The following CASZ1 variants were observed in gnomAD, a reference collection of about 807,000 sequenced individuals.
The protein encoded by CASZ1 is castor zinc finger 1, also known as zinc finger protein castor homolog 1.
CASZ1 carries 28 observed loss-of-function variants against 135.2 expected under a neutral mutation model. The ratio of observed to expected loss-of-function variants is 0.21; its 90% CI spans 0.15 to 0.28. The LOEUF (loss-of-function observed/expected upper bound fraction) is 0.28, where lower values mean the gene tolerates loss of function less well. CASZ1 is among the 10% of genes least tolerant of loss of function. The pLI, the probability that CASZ1 is intolerant of heterozygous loss-of-function variation, is 1.00. For missense variants in CASZ1, 2,161 were observed against 2,453.3 expected (o/e 0.88, Z 2.52); for synonymous variants, 1,068 against 1,073.4 (o/e 0.99, Z 0.10).
rs148182457 is a variant in CASZ1 at position 10,738,344 on chromosome 1, G to A, written c.-77+22357C>T. 1.4e-4 allele frequency among the ~76,000 whole-genome samples: 22 copies of A among 152,342 alleles called. 1 individual carries two copies. The East Asian group carries it at 4.1e-3, about 28-fold the overall frequency. ...GACGCGGCAGGAAACCCGGAAGGAC[G>A]CAGAGCACCCCACCCACCCCCTCCT... On this transcript the variant is annotated intron_variant, in intron 2 of 20. Transcript: ENST00000377022.
In CASZ1 at chr1:10,700,020, GAA is replaced by G. The variant is rs1169884071; in HGVS notation, c.-24+5470_-24+5471del. Among the ~76,000 whole-genome samples the G allele has an allele frequency of 9.9e-5, 15 of 151,474 alleles. No individual in the cohort carries two copies. Among genetic ancestry groups the G allele is most frequent in the African/African-American group, 3.4e-4 (14 of 41,056 alleles). On this transcript the variant is annotated intron_variant, in intron 3 of 20. Transcript: ENST00000377022. The surrounding 1 kb of genome is among the most constrained non-coding windows in gnomAD (Gnocchi z 4.2). ...AGAGAGAGAGAGAAACAGAGACAGA[GAA>G]AGAGAGAGAGAGACAGAGAGAGAGA...
At chr1:10,787,340 G>C (rs1263048886) in intron 1 of CASZ1, among the ~76,000 whole-genome samples, 1 of 152,192 alleles carries the variant, frequency 6.6e-6, no homozygotes, top group Non-Finnish European at 1.5e-5. Flanking sequence ...AGTGGAGCTC[G>C]GGGCCACCCG....
rs1639024308 is a variant in CASZ1, at chr1:10,700,016, CAGAGAAAGAGAGAGAGAGACAGAGAGAG to C, written c.-24+5448_-24+5475del. 6.8e-6 allele frequency among the ~76,000 whole-genome samples: 1 copy of C among 146,894 alleles called. No homozygotes were observed. Among genetic ancestry groups the C allele is most frequent in the Non-Finnish European group, 1.5e-5 (1 of 66,570 alleles). On this transcript the variant is annotated intron_variant, in intron 3 of 20. Transcript: ENST00000377022. The surrounding 1 kb of genome is among the most constrained non-coding windows in gnomAD (Gnocchi z 4.2). The stretch of plus-strand genomic sequence containing the variant: ...GCAGAGAGAGAGAGAGAAACAGAGA[CAGAGAAAGAGAGAGAGAGACAGAGAGAG>C]AGAGAAAGAGAGACAGAGAGAGAAA...
At chr1:10,686,984 TGACA>T (rs1253337910) in intron 4 of CASZ1, among the ~76,000 whole-genome samples, 1 of 151,996 alleles carries the variant, frequency 6.6e-6, no homozygotes, top group Non-Finnish European at 1.5e-5. Flanking sequence ...GCTGAAGGGG[TGACA>T]GACAGGGAGG....
intron 7 of CASZ1, 46 bp from the exon 8 acceptor site, chr1:10,656,782 T>A: frequency 7.6e-7 from 1 of 1,316,498 alleles, no homozygotes; most frequent in Non-Finnish European, 1.1e-6. Context: ...TGGGTGACAG[T>A]CCCAGCCCCA....
chr1:10,790,782 C>T (rs745398916), intron 1 of CASZ1, among the ~76,000 whole-genome samples: 8 of 151,844 alleles, frequency 5.3e-5, no homozygotes, highest in Non-Finnish European at 7.4e-5. Context: ...CTTGGCTATG[C>T]CTGACATTTT....
rs772202944 is a variant in CASZ1, at chr1:10,724,208, C to T, written c.-76-18664G>A. Among the ~76,000 whole-genome samples, 7 of 152,216 alleles carry T rather than the reference C, an allele frequency of 4.6e-5. No individual in the cohort carries two copies. The highest frequency in any genetic ancestry group is 2.0e-4 in the Admixed American group (3 of 15,286). On this transcript the variant is annotated intron_variant, in intron 2 of 20. Transcript: ENST00000377022. This position sits in a 1 kb window ranked among gnomAD's most constrained non-coding sequence, Gnocchi z 4.1. ...ATCCACAGGGTGAGAGCAAAGGCCA[C>T]GTGGTCAGAGCCGGGCTATAAATAG...
At chr1:10,789,856 C>A (rs1416656669) in intron 1 of CASZ1, among the ~76,000 whole-genome samples, 1 of 152,238 alleles carries the variant, frequency 6.6e-6, no homozygotes, top group African/African-American at 2.4e-5. Context: ...GCCTGCAAAA[C>A]CTCGTTAACG....
intron 2 of CASZ1, among the ~76,000 whole-genome samples, chr1:10,716,119 AC>A (rs1306354150): frequency 1.2e-5 from 1 of 86,672 alleles, no homozygotes; most frequent in East Asian, 3.5e-4. Context: ...CCCAATCCAC[AC>A]CCCACAGCAC....
chr1:10,674,028 C>T (rs1218457498), intron 4 of CASZ1, among the ~76,000 whole-genome samples: 1 of 152,248 alleles, frequency 6.6e-6, no homozygotes, highest in Non-Finnish European at 1.5e-5. Flanking sequence ...GACGGACAGA[C>T]TGACAGATGG....
chr1:10,673,294 G>A (rs1490021278), intron 4 of CASZ1, among the ~76,000 whole-genome samples: 2 of 152,178 alleles, frequency 1.3e-5, no homozygotes, highest in African/African-American at 2.4e-5. Flanking sequence ...ATGGGCTGGC[G>A]GAGAGGATCA....
In CASZ1 at chr1:10,735,514, A is replaced by G. The variant is rs1239940229; in HGVS notation, c.-77+25187T>C. Among the ~76,000 whole-genome samples, 2 of 152,148 alleles carry G rather than the reference A, an allele frequency of 1.3e-5. No individual in the cohort carries two copies. Among genetic ancestry groups the G allele is most frequent in the African/African-American group, 4.8e-5 (2 of 41,436 alleles). ...CACGCAGCGCCAGGGCTGTCCCCAA[A>G]GTTTGGATCAAACTTTGCCTGGGGG... On this transcript the variant is annotated intron_variant, in intron 2 of 20. Coordinates refer to ENST00000377022, the MANE Select transcript of CASZ1 (RefSeq NM_001079843.3). This position sits in a 1 kb window ranked among gnomAD's most constrained non-coding sequence, Gnocchi z 5.1.
At position 10,703,176 on chromosome 1, in the gene CASZ1, C is replaced by T. The variant is rs77487206; in HGVS notation, c.-24+2316G>A. Among the ~76,000 whole-genome samples, 1,276 of 152,252 alleles carry T rather than the reference C, an allele frequency of 8.4e-3. 57 individuals are homozygous for T. The East Asian group carries it at 0.14, about 17-fold the overall frequency. On this transcript the variant is annotated intron_variant, in intron 3 of 20. Coordinates refer to ENST00000377022, the MANE Select transcript of CASZ1 (RefSeq NM_001079843.3). The stretch of plus-strand genomic sequence containing the variant: ...GAGGCCCAGCAGACTCTGCAGCAGA[C>T]CTCTGGCCGCGGCCGCAGCTCCCGT...
chr1:10,715,776 C>T (rs1244874288), intron 2 of CASZ1, among the ~76,000 whole-genome samples: 1 of 132,220 alleles, frequency 7.6e-6, no homozygotes, highest in Non-Finnish European at 1.6e-5. Flanking sequence ...CCCCACAGCA[C>T]CCAATCCACA....
intron 3 of CASZ1, among the ~76,000 whole-genome samples, chr1:10,703,153 G>A (rs142372065): frequency 2.6e-5 from 4 of 152,294 alleles, no homozygotes; most frequent in African/African-American, 9.6e-5. Flanking sequence ...CACGAGAGGA[G>A]GCCCAGCAGA....
intron 4 of CASZ1, among the ~76,000 whole-genome samples, chr1:10,678,720 GC>G (rs1457379708): frequency 6.6e-6 from 1 of 152,182 alleles, no homozygotes; most frequent in Admixed American, 6.5e-5. Context: ...AACGTCCCGA[GC>G]GGGAGGGGGG....
Position 10,741,302 on chromosome 1 carries a change from A to T in CASZ1, c.-77+19399T>A, listed in dbSNP as rs578135650. Among the ~76,000 whole-genome samples the T allele has an allele frequency of 6.6e-5, 10 of 152,286 alleles. No homozygotes were observed. Among genetic ancestry groups the T allele is most frequent in the African/African-American group, 2.2e-4 (9 of 41,570 alleles). The stretch of plus-strand genomic sequence containing the variant: ...CTGGCTCTATATTGGGCTTTAAACG[A>T]CATGAGGGCAGGGACTTGTTCAAAG... On this transcript the variant is annotated intron_variant, in intron 2 of 20. Transcript: ENST00000377022. This position sits in a 1 kb window ranked among gnomAD's most constrained non-coding sequence, Gnocchi z 5.0.
At chr1:10,675,769 G>A (rs1004600352) in intron 4 of CASZ1, among the ~76,000 whole-genome samples, 1 of 151,502 alleles carries the variant, frequency 6.6e-6, no homozygotes, top group Non-Finnish European at 1.5e-5. Flanking sequence ...TAAGGACTCG[G>A]GGGCCAGCCA....
At chr1:10,791,285 C>T (rs759665354) in intron 1 of CASZ1, among the ~76,000 whole-genome samples, 6 of 152,048 alleles carry the variant, frequency 3.9e-5, no homozygotes, top group Admixed American at 6.6e-5. Flanking sequence ...AGACAAAGGT[C>T]GGAGAAAGCG....
Sources: gnomAD v4.1 joint callset for allele counts (sites outside exome capture counted in the v4.1 genomes callset) on GRCh38, gnomAD v4.1.1 for gene constraint, Gnocchi (gnomAD v3.1) non-coding constraint, MANE v1.5 for transcripts, NCBI Gene and HGNC (gene_info 2026-07-23, HGNC 2026-07-21) for gene names.